MACROD2: variants seen among roughly 807,000 people sequenced by gnomAD.
MACROD2 encodes ADP-ribose glycohydrolase MACROD2.
A neutral mutation model predicts 70.4 loss-of-function variants in MACROD2; 36 were observed. The observed-to-expected ratio is 0.51, with a 90% CI of 0.39 to 0.68. MACROD2 has a LOEUF of 0.68. Ranked by LOEUF, MACROD2 falls within the 30% of genes least tolerant of loss-of-function variation. The pLI is 0.00. For synonymous variants in MACROD2, 172 were observed against 178.8 expected (o/e 0.96, Z 0.30); for missense variants, 496 against 538.4 (o/e 0.92, Z 0.78).
intron 8 of MACROD2, among the ~76,000 whole-genome samples, chr20:15,655,129 G>C (rs1049252626): frequency 6.6e-6 from 1 of 151,750 alleles, no homozygotes; most frequent in Non-Finnish European, 1.5e-5. Context: ...ATGTGTGTGC[G>C]TGTGTGTGTT....
At position 14,967,916 on chromosome 20, in the gene MACROD2, C is replaced by A. The variant is rs537847477; in HGVS notation, c.419-262024C>A. 2.6e-5 allele frequency among the ~76,000 whole-genome samples: 4 copies of A among 152,240 alleles called. No individual in the cohort carries two copies. In the South Asian group the frequency reaches 6.2e-4, roughly 24 times the overall value. ...GATAAGGAAGATATGTATGAAAATT[C>A]TTGATACATGCAGGCTGTTGTCCTT... On this transcript the variant is annotated intron_variant, in intron 5 of 17. Coordinates refer to ENST00000684519, the MANE Select transcript of MACROD2 (RefSeq NM_001351661.2).
In MACROD2 at chr20:15,470,826, G is replaced by A. The variant is rs116260546; in HGVS notation, c.572-28948G>A. On this transcript the variant is annotated intron_variant, in intron 7 of 17. Coordinates refer to ENST00000684519, the MANE Select transcript of MACROD2 (RefSeq NM_001351661.2). ...AGACCTTGCCTTACCTACAGCTTCTGCATCACTGTGATTCTGAACATAGAA... is the reference window on the plus strand; with the variant it reads ...AGACCTTGCCTTACCTACAGCTTCTACATCACTGTGATTCTGAACATAGAA... Among the ~76,000 whole-genome samples, 394 of 152,260 alleles carry A rather than the reference G, an allele frequency of 2.6e-3. 1 individual carries two copies. Among genetic ancestry groups the A allele is most frequent in the African/African-American group, 9.1e-3 (376 of 41,536 alleles).
rs375691333 is a variant in MACROD2, at chr20:14,484,526, G to C, written c.272-8953G>C. Reference sequence around the variant, plus strand: ...CACCCTGTTGTGCTATCAAATATTAGTTCTTACTCATTCTTTCTATTGTTT... The same window carrying C: ...CACCCTGTTGTGCTATCAAATATTACTTCTTACTCATTCTTTCTATTGTTT... On this transcript the variant is annotated intron_variant, in intron 3 of 17. Transcript: ENST00000684519. Among the ~76,000 whole-genome samples the C allele has an allele frequency of 1.0e-3, 156 of 152,036 alleles. 1 individual carries two copies. Among genetic ancestry groups the C allele is most frequent in the African/African-American group, 3.5e-3 (144 of 41,454 alleles).
chr20:15,034,373 G>A (rs2075297523), intron 5 of MACROD2, among the ~76,000 whole-genome samples: 1 of 152,082 alleles, frequency 6.6e-6, no homozygotes, highest in Admixed American at 6.6e-5. Flanking sequence ...CTGTGTTCCT[G>A]GAGGTGAATT....
intron 6 of MACROD2, among the ~76,000 whole-genome samples, chr20:15,308,759 G>T (rs1233112983): frequency 6.6e-6 from 1 of 152,070 alleles, no homozygotes; most frequent in Non-Finnish European, 1.5e-5. Flanking sequence ...TAACCCTAGG[G>T]ATTAACTTTC....
intron 4 of MACROD2, among the ~76,000 whole-genome samples, chr20:14,586,133 A>G (rs1981358303): frequency 6.6e-6 from 1 of 152,098 alleles, no homozygotes; most frequent in Non-Finnish European, 1.5e-5. Context: ...CAAAAGGGAA[A>G]TGTGAATTAG....
intron 3 of MACROD2, among the ~76,000 whole-genome samples, chr20:14,368,955 G>T (rs1196445520): frequency 2.0e-5 from 3 of 152,126 alleles, no homozygotes; most frequent in African/African-American, 7.2e-5. Context: ...TTTCCTGTTT[G>T]CATTGATCCT....
intron 8 of MACROD2, among the ~76,000 whole-genome samples, chr20:15,743,676 A>C (rs947846397): frequency 2.0e-5 from 3 of 152,044 alleles, no homozygotes; most frequent in Non-Finnish European, 4.4e-5. Flanking sequence ...CTTTGCCTGG[A>C]GTGCCCCTCG....
intron 4 of MACROD2, among the ~76,000 whole-genome samples, chr20:14,622,362 T>A (rs888122300): frequency 2.6e-5 from 4 of 151,392 alleles, no homozygotes; most frequent in East Asian, 1.9e-4. Context: ...CACACCTTTT[T>A]AAAAAAAAAT....
intron 5 of MACROD2, among the ~76,000 whole-genome samples, chr20:15,144,021 T>A (rs1363425892): frequency 2.6e-5 from 4 of 151,788 alleles, no homozygotes; most frequent in Non-Finnish European, 5.9e-5. Flanking sequence ...TTGTGCTGCA[T>A]TAAAAGCCAT....
At chr20:14,200,934 T>C (rs2148747303) in intron 3 of MACROD2, among the ~76,000 whole-genome samples, 1 of 134,706 alleles carries the variant, frequency 7.4e-6, no homozygotes, top group Admixed American at 8.4e-5. Flanking sequence ...ATCTTTATTA[T>C]ATTTGCTGGT....
chr20:14,812,131 T>C (rs2072721549), intron 5 of MACROD2, among the ~76,000 whole-genome samples: 4 of 152,182 alleles, frequency 2.6e-5, no homozygotes. Context: ...TGCACACATA[T>C]GTTTATTGCA....
intron 3 of MACROD2, among the ~76,000 whole-genome samples, chr20:14,426,759 C>T (rs370280099): frequency 9.1e-4 from 138 of 152,202 alleles, no homozygotes; most frequent in African/African-American, 3.2e-3. Flanking sequence ...ATCTTCAGAG[C>T]CCCCATTAGG....
intron 6 of MACROD2, among the ~76,000 whole-genome samples, chr20:15,285,065 A>G (rs968663696): frequency 7.1e-6 from 1 of 141,412 alleles, no homozygotes; most frequent in African/African-American, 2.8e-5. Context: ...ATAATATTAC[A>G]AAACTTGGAA....
chr20:14,648,011 A>G (rs538016800), intron 4 of MACROD2, among the ~76,000 whole-genome samples: 3 of 152,270 alleles, frequency 2.0e-5, no homozygotes, highest in South Asian at 2.1e-4. Context: ...AAGGACCTCC[A>G]CAGGCAGTGC....
intron 4 of MACROD2, among the ~76,000 whole-genome samples, chr20:14,512,142 A>G (rs1033957422): frequency 1.3e-5 from 2 of 152,144 alleles, no homozygotes; most frequent in Non-Finnish European, 2.9e-5. Context: ...ATCATCCATG[A>G]TATTAACTAG....
At chr20:14,478,811 GA>G (rs1398207119) in intron 3 of MACROD2, among the ~76,000 whole-genome samples, 1 of 152,126 alleles carries the variant, frequency 6.6e-6, no homozygotes, top group Non-Finnish European at 1.5e-5. Flanking sequence ...TAGTTCTAAG[GA>G]CAATTTAATT....
At chr20:14,620,330 C>T (rs1403328120) in intron 4 of MACROD2, among the ~76,000 whole-genome samples, 1 of 151,956 alleles carries the variant, frequency 6.6e-6, no homozygotes, top group African/African-American at 2.4e-5. Flanking sequence ...GAGTAGATTG[C>T]TCCCACCAAC....
At chr20:15,215,809 A>C (rs1196577927) in intron 5 of MACROD2, among the ~76,000 whole-genome samples, 1 of 152,122 alleles carries the variant, frequency 6.6e-6, no homozygotes, top group Non-Finnish European at 1.5e-5. Flanking sequence ...CTTGGAAATA[A>C]GAACAAAAGT....
Sources: allele counts gnomAD v4.1 joint callset (sites outside exome capture counted in the v4.1 genomes callset), GRCh38; gene constraint gnomAD v4.1.1; transcripts MANE v1.5; gene names NCBI Gene and HGNC (gene_info 2026-07-23, HGNC 2026-07-21).